Variants in TUBA1C observed in about 807,000 individuals in gnomAD.
TUBA1C encodes tubulin alpha-1C chain.
In TUBA1C, 16 loss-of-function variants were observed where a neutral mutation model predicts 34.9. That is an observed-to-expected ratio of 0.46 (90% confidence interval 0.31 to 0.70). The LOEUF is 0.70. Among genes scored for constraint, TUBA1C ranks in the 30% least tolerant of loss-of-function variants. The probability of loss-of-function intolerance (pLI) is 0.05; values close to 1 mark genes in which losing one functional copy is unlikely to be tolerated. For missense variants in TUBA1C, 329 were observed against 587.3 expected (o/e 0.56, Z 4.55); for synonymous variants, 177 against 215.9 (o/e 0.82, Z 1.58).
At position 49,269,520 on chromosome 12, in the gene TUBA1C, G is replaced by A; in HGVS notation, c.59G>A (p.Cys20Tyr). The change falls in exon 2 of 4, where the codon TGC becomes TAC. Residue 20 changes from cysteine (C) to tyrosine (Y), a missense_variant. Physicochemically the swap from Cys to Tyr is radical, Grantham distance 194 (BLOSUM62 -2). Coordinates refer to ENST00000301072, the MANE Select transcript of TUBA1C (RefSeq NM_032704.5). ...GQAGVQIGNACWELYCLEHGI... is the reference protein window; with the variant it reads ...GQAGVQIGNAYWELYCLEHGI... ...GCTGGTGTCCAGATTGGCAATGCCT[G>A]CTGGGAGCTCTACTGCCTGGAACAC... is the stretch of plus-strand genomic sequence containing the variant. 1 of 1,614,240 alleles carries A rather than the reference G, an allele frequency of 6.2e-7. No homozygotes were observed. The highest frequency in any genetic ancestry group is 1.7e-5 in the Admixed American group (1 of 60,028).
intron 1 of TUBA1C, among the ~76,000 whole-genome samples, chr12:49,229,764 ACTTG>A (rs1481129999): frequency 2.0e-5 from 3 of 150,412 alleles, no homozygotes; most frequent in African/African-American, 4.9e-5. Flanking sequence ...TTTATTCTTA[ACTTG>A]CTTTTTTTTT....
At chr12:49,254,990 GC>G (rs941608506) in intron 1 of TUBA1C, among the ~76,000 whole-genome samples, 1 of 151,726 alleles carries the variant, frequency 6.6e-6, no homozygotes, top group Non-Finnish European at 1.5e-5. Flanking sequence ...CCTCTGTGTT[GC>G]CCAGGGTGGT....
chr12:49,246,866 G>C (rs538068587), intron 1 of TUBA1C, among the ~76,000 whole-genome samples: 1 of 152,090 alleles, frequency 6.6e-6, no homozygotes, highest in African/African-American at 2.4e-5. Flanking sequence ...AAACAAGGCC[G>C]GGCACAGTGG....
intron 1 of TUBA1C, among the ~76,000 whole-genome samples, chr12:49,240,804 C>T (rs910930791): frequency 6.6e-6 from 1 of 151,994 alleles, no homozygotes; most frequent in African/African-American, 2.4e-5. Flanking sequence ...CTACATTGTC[C>T]AGGCTGTTCT....
At chr12:49,229,642 G>T (rs937551762) in intron 1 of TUBA1C, among the ~76,000 whole-genome samples, 1 of 152,020 alleles carries the variant, frequency 6.6e-6, no homozygotes, top group East Asian at 1.9e-4. Flanking sequence ...ATTTGGGGGT[G>T]TAACCAACTA....
exon 1 of TUBA1C, chr12:49,228,093 C>T (rs1458913601): frequency 4.6e-6 from 7 of 1,535,574 alleles, no homozygotes; most frequent in Non-Finnish European, 4.4e-6. Flanking sequence ...TTCACCAGGA[C>T]TCTTCAGCTC....
At chr12:49,258,337 G>T (rs1327868104) in intron 1 of TUBA1C, among the ~76,000 whole-genome samples, 2 of 152,138 alleles carry the variant, frequency 1.3e-5, no homozygotes, top group Admixed American at 6.6e-5. Flanking sequence ...ACTTTGGGAG[G>T]CCCAGGAGGG....
intron 1 of TUBA1C, among the ~76,000 whole-genome samples, chr12:49,259,486 A>C (rs1942821710): frequency 6.6e-6 from 1 of 152,014 alleles, no homozygotes; most frequent in Non-Finnish European, 1.5e-5. Context: ...ACCTCCCAAA[A>C]TGCTGGGATT....
At chr12:49,255,160 C>T (rs1942770673) in intron 1 of TUBA1C, among the ~76,000 whole-genome samples, 1 of 152,008 alleles carries the variant, frequency 6.6e-6, no homozygotes, top group East Asian at 1.9e-4. Flanking sequence ...CAACTACGGA[C>T]CTTGCCAAGG....
At chr12:49,257,682 G>A (rs1241213686) in intron 1 of TUBA1C, among the ~76,000 whole-genome samples, 1 of 151,908 alleles carries the variant, frequency 6.6e-6, no homozygotes, top group East Asian at 1.9e-4. Flanking sequence ...AGGAAGCTAA[G>A]GCGAGAGGAT....
rs934186219 is a variant in TUBA1C at position 49,274,127 on chromosome 12, A to G, written c.*900A>G. 2 of 151,516 alleles carry G rather than the reference A, an allele frequency of 1.3e-5. No individual in the cohort carries two copies. Among genetic ancestry groups the G allele is most frequent in the African/African-American group, 2.4e-5 (1 of 41,184 alleles). 9.4% of individuals were successfully genotyped at this position (151,516 alleles called of 1,614,324 possible). A position where few individuals can be genotyped will look rare whatever the true frequency, so the allele number is the denominator to read the frequency against. On this transcript the variant is annotated 3_prime_UTR_variant, in exon 4 of 4. Coordinates refer to ENST00000301072, the MANE Select transcript of TUBA1C (RefSeq NM_032704.5). ...AGGTGAGGCTTCAGACACGTCTTAA[A>G]TTTTTTTTCTTTGAGATGGTCTCTT... is the stretch of plus-strand genomic sequence containing the variant.
chr12:49,265,675 T>C (rs1942898234), intron 1 of TUBA1C, among the ~76,000 whole-genome samples: 1 of 152,128 alleles, frequency 6.6e-6, no homozygotes, highest in Non-Finnish European at 1.5e-5. Context: ...GGCCCTGCCC[T>C]GGGGAGAGCT....
chr12:49,260,878 C>T (rs907673784), upstream of TUBA1C, among the ~76,000 whole-genome samples: 2 of 152,078 alleles, frequency 1.3e-5, no homozygotes, highest in African/African-American at 4.8e-5. Flanking sequence ...GACAGGCACA[C>T]ACCACCATGT....
chr12:49,261,253 A>ACAAT (rs1942837883), upstream of TUBA1C, among the ~76,000 whole-genome samples: 1 of 152,102 alleles, frequency 6.6e-6, no homozygotes, highest in East Asian at 1.9e-4. Flanking sequence ...TGCTTATTGT[A>ACAAT]AAGAAGGTTG....
chr12:49,266,375 A>C (rs533283497), intron 1 of TUBA1C, among the ~76,000 whole-genome samples: 3 of 151,796 alleles, frequency 2.0e-5, no homozygotes, highest in Non-Finnish European at 4.4e-5. Context: ...GCTTGCAGTG[A>C]GCCGAGATCG....
rs1210325892 is a variant in TUBA1C at position 49,273,349 on chromosome 12, A to C, written c.*122A>C. 3 of 1,568,974 alleles carry C rather than the reference A, an allele frequency of 1.9e-6. No homozygotes were observed. Among genetic ancestry groups the C allele is most frequent in the South Asian group, 1.1e-5 (1 of 88,452 alleles). On this transcript the variant is annotated 3_prime_UTR_variant, in exon 4 of 4. Transcript: ENST00000301072. ...TCCATTTTAAATGTCGAGCTGACTT[A>C]AATACTTGATCCAGTTAAAGTTGGA...
chr12:49,270,149 C>A, intron 3 of TUBA1C, 173 bp downstream of exon 3: 1 of 1,351,152 alleles, frequency 7.4e-7, no homozygotes, highest in Non-Finnish European at 1.0e-6. Flanking sequence ...ATTTATGGGA[C>A]AACTATGGGG....
chr12:49,235,007 G>C (rs776967960), intron 1 of TUBA1C, among the ~76,000 whole-genome samples: 1 of 151,614 alleles, frequency 6.6e-6, no homozygotes, highest in South Asian at 2.1e-4. Context: ...TAGTAGAGAC[G>C]GGGTTTCACC....
chr12:49,228,972 T>A (rs1231080480), intron 1 of TUBA1C, among the ~76,000 whole-genome samples: 1 of 152,228 alleles, frequency 6.6e-6, no homozygotes, highest in Admixed American at 6.5e-5. Context: ...GTGGTCTGCT[T>A]CCAAGTCTAT....
Sources: allele counts gnomAD v4.1 joint callset (sites outside exome capture counted in the v4.1 genomes callset), GRCh38; gene constraint gnomAD v4.1.1; transcripts MANE v1.5; gene names NCBI Gene and HGNC (gene_info 2026-07-23, HGNC 2026-07-21).